SLC13A1: variants seen among roughly 807,000 people sequenced by gnomAD.
SLC13A1 encodes solute carrier family 13 member 1.
In SLC13A1, 65 loss-of-function variants were observed where a neutral mutation model predicts 70.0. The ratio of observed to expected loss-of-function variants is 0.93; its 90% CI spans 0.76 to 1.14. The LOEUF (loss-of-function observed/expected upper bound fraction) is 1.14. Ranked by LOEUF, SLC13A1 falls within the 50% of genes most tolerant of loss-of-function variation. The pLI is 0.00. For synonymous variants in SLC13A1, 275 were observed against 250.5 expected, an observed-to-expected ratio of 1.10 and a Z score of -0.92; for missense variants, 726 against 717.8, an observed-to-expected ratio of 1.01 and a Z score of -0.13.
intron 1 of SLC13A1, among the ~76,000 whole-genome samples, chr7:123,192,226 C>T (rs1796018927): frequency 6.6e-6 from 1 of 152,106 alleles, no homozygotes; most frequent in Admixed American, 6.6e-5. Context: ...CTTACCCAGC[C>T]CCCAGTTAAA....
At chr7:123,183,748 A>C (rs1436284444) in intron 1 of SLC13A1, among the ~76,000 whole-genome samples, 1 of 152,142 alleles carries the variant, frequency 6.6e-6, no homozygotes, top group African/African-American at 2.4e-5. Context: ...AAAGTTTGAG[A>C]AGCACTGGGC....
intron 1 of SLC13A1, chr7:123,190,343 C>T (rs1173669344): frequency 3.0e-6 from 1 of 331,484 alleles, no homozygotes; most frequent in Non-Finnish European, 6.0e-6. Flanking sequence ...CAACCTTGGC[C>T]TGGGGATTTC....
chr7:123,122,557 C>T (rs990783478), intron 12 of SLC13A1, among the ~76,000 whole-genome samples: 1 of 152,076 alleles, frequency 6.6e-6, no homozygotes, highest in Non-Finnish European at 1.5e-5. Context: ...AGTCAACCAA[C>T]ATCTCATGGT....
intron 7 of SLC13A1, among the ~76,000 whole-genome samples, chr7:123,145,170 G>A (rs1184527915): frequency 6.6e-6 from 1 of 152,172 alleles, no homozygotes; most frequent in East Asian, 1.9e-4. Flanking sequence ...CTATGTGCCA[G>A]ACCCTCTGCT....
At chr7:123,159,061 A>G (rs561841174) in intron 6 of SLC13A1, among the ~76,000 whole-genome samples, 1 of 152,204 alleles carries the variant, frequency 6.6e-6, no homozygotes. Context: ...ACAATTATGT[A>G]ATTTATGGAG....
At chr7:123,128,220 A>T (rs1793630378) in intron 10 of SLC13A1, among the ~76,000 whole-genome samples, 1 of 152,066 alleles carries the variant, frequency 6.6e-6, no homozygotes, top group Non-Finnish European at 1.5e-5. Flanking sequence ...TAAATGAAGA[A>T]AAAAGACAAG....
At chr7:123,138,053 C>T (rs1276729121) in intron 7 of SLC13A1, among the ~76,000 whole-genome samples, 2 of 152,124 alleles carry the variant, frequency 1.3e-5, no homozygotes, top group Admixed American at 6.6e-5. Flanking sequence ...CCATCCCCAC[C>T]TTTCAGCCCA....
chr7:123,136,367 T>C (rs963154734), intron 7 of SLC13A1, among the ~76,000 whole-genome samples: 2 of 152,226 alleles, frequency 1.3e-5, no homozygotes, highest in Non-Finnish European at 2.9e-5. Context: ...ACTATGCCTC[T>C]ATAATCATAA....
intron 6 of SLC13A1, among the ~76,000 whole-genome samples, chr7:123,152,977 T>G (rs78459976): frequency 0.019 from 2,952 of 152,206 alleles, 98 homozygotes; most frequent in African/African-American, 0.067. Context: ...GATGCATAAT[T>G]TGAATATTAT....
chr7:123,148,791 G>A (rs892913965), intron 6 of SLC13A1, among the ~76,000 whole-genome samples: 2 of 152,096 alleles, frequency 1.3e-5, no homozygotes, highest in Non-Finnish European at 2.9e-5. Flanking sequence ...TTGTGAGTTT[G>A]ACTTTCTCTT....
At chr7:123,167,131 T>C (rs1322555283) in intron 6 of SLC13A1, among the ~76,000 whole-genome samples, 4 of 152,184 alleles carry the variant, frequency 2.6e-5, no homozygotes, top group Non-Finnish European at 4.4e-5. Context: ...TGGAAGTCAG[T>C]GTGGCGATTC....
intron 6 of SLC13A1, chr7:123,149,435 C>T (rs1369752141): frequency 6.6e-6 from 3 of 455,886 alleles, no homozygotes; most frequent in African/African-American, 6.0e-5. Context: ...TTCTTAACGT[C>T]TATCTCACCT....
chr7:123,120,486 C>T (rs2116260992), intron 12 of SLC13A1, among the ~76,000 whole-genome samples: 1 of 152,112 alleles, frequency 6.6e-6, no homozygotes, highest in South Asian at 2.1e-4. Context: ...GAAAAACTGG[C>T]TATACTCAGA....
At chr7:123,123,083 A>G (rs770386785) in intron 12 of SLC13A1, 43 bp downstream of exon 12, 28 of 1,372,182 alleles carry the variant, frequency 2.0e-5, no homozygotes, top group Non-Finnish European at 2.8e-5. Flanking sequence ...CTTCTTTTGA[A>G]CAGTCTGGTT....
At position 123,119,235 on chromosome 7, in the gene SLC13A1, C is replaced by T. The variant is rs1793289439; in HGVS notation, c.1358G>A (p.Gly453Glu). The T allele has an allele frequency of 1.3e-6, 2 of 1,594,156 alleles. No homozygotes were observed. Among genetic ancestry groups the T allele is most frequent in the East Asian group, 2.3e-5 (1 of 44,084 alleles). ...TTTATTTCCTATCCACTTAGATAAT[C>T]CAGACTCCTAAAAAACAAATTTGCA... Reference protein sequence around the residue: ...FALADGCEESGLSKWIGNKLS... With the variant: ...FALADGCEESELSKWIGNKLS... Residue 453 changes from glycine to glutamate, a missense_variant, in exon 13 of 15, where the codon GGA becomes GAA. By Grantham distance (98) the Gly-to-Glu change is moderately conservative. Coordinates refer to ENST00000194130, the MANE Select transcript of SLC13A1 (RefSeq NM_022444.4).
chr7:123,133,895 T>C (rs1217531029), intron 8 of SLC13A1, among the ~76,000 whole-genome samples: 1 of 152,058 alleles, frequency 6.6e-6, no homozygotes, highest in Non-Finnish European at 1.5e-5. Flanking sequence ...TGTAGTGCAG[T>C]GGTGTGATCT....
intron 8 of SLC13A1, among the ~76,000 whole-genome samples, chr7:123,132,597 G>A (rs1265317991): frequency 4.6e-5 from 7 of 152,052 alleles, no homozygotes; most frequent in Non-Finnish European, 1.0e-4. Context: ...GTCTCTAACT[G>A]CTGACCTCAG....
intron 2 of SLC13A1, among the ~76,000 whole-genome samples, chr7:123,180,461 T>C (rs1268790225): frequency 1.3e-5 from 2 of 152,088 alleles, no homozygotes; most frequent in Non-Finnish European, 2.9e-5. Context: ...TGGGTACTCT[T>C]AGATTGTATA....
chr7:123,131,814 C>A (rs1793772282), intron 8 of SLC13A1, among the ~76,000 whole-genome samples: 1 of 152,214 alleles, frequency 6.6e-6, no homozygotes, highest in Admixed American at 6.5e-5. Flanking sequence ...TCATGATTTA[C>A]AGACTTTGCC....
Sources: gnomAD v4.1 joint callset for allele counts (sites outside exome capture counted in the v4.1 genomes callset) on GRCh38, gnomAD v4.1.1 for gene constraint, MANE v1.5 for transcripts, NCBI Gene and HGNC (gene_info 2026-07-23, HGNC 2026-07-21) for gene names.